Variants in NAV2 observed in about 807,000 individuals in gnomAD.
NAV2 encodes the protein helicase, APC down-regulated 1.
NAV2 carries 54 observed loss-of-function variants against 223.2 expected under a neutral mutation model. The observed-to-expected ratio is 0.24, with a 90% CI of 0.19 to 0.30. The LOEUF (loss-of-function observed/expected upper bound fraction) is 0.30. Among genes scored for constraint, NAV2 ranks in the 10% least tolerant of loss-of-function variants. The pLI is 1.00. For missense variants in NAV2, 2,806 were observed against 3,147.5 expected (o/e 0.89, Z 2.60); for synonymous variants, 1,279 against 1,239.3 (o/e 1.03, Z -0.67).
At chr11:19,876,118 C>T (rs539177164) in intron 4 of NAV2, among the ~76,000 whole-genome samples, 88 of 152,154 alleles carry the variant, frequency 5.8e-4, no homozygotes, top group African/African-American at 1.9e-3. Context: ...CTCCATCTCC[C>T]GGGTTCAAGC....
At chr11:19,688,436 G>C (rs1476741738) in intron 1 of NAV2, among the ~76,000 whole-genome samples, 1 of 152,024 alleles carries the variant, frequency 6.6e-6, no homozygotes, top group Non-Finnish European at 1.5e-5. Flanking sequence ...TGGTAACAGA[G>C]GTACACAAAC....
intron 1 of NAV2, among the ~76,000 whole-genome samples, chr11:19,543,369 G>T (rs1389086324): frequency 2.0e-5 from 3 of 152,292 alleles, no homozygotes; most frequent in East Asian, 3.9e-4. Flanking sequence ...TGCCGATGAT[G>T]CATGCTGTCA....
At chr11:19,928,218 T>TC (rs58963421) in intron 6 of NAV2, among the ~76,000 whole-genome samples, 94,617 of 152,032 alleles carry the variant, frequency 0.62, 29,647 homozygotes, top group East Asian at 0.75. Flanking sequence ...GTTTTTTATT[T>TC]GTATTTTCCT....
intron 1 of NAV2, among the ~76,000 whole-genome samples, chr11:19,800,004 T>C (rs2058144327): frequency 6.6e-6 from 1 of 152,228 alleles, no homozygotes; most frequent in South Asian, 2.1e-4. Context: ...CAAACTTGAA[T>C]AGGAAAATGC....
intron 1 of NAV2, among the ~76,000 whole-genome samples, chr11:19,482,691 G>A (rs1168232384): frequency 6.6e-6 from 1 of 152,174 alleles, no homozygotes; most frequent in Non-Finnish European, 1.5e-5. Flanking sequence ...AAGTCATCTG[G>A]AGCTGGTCGG....
chr11:19,865,615 T>A (rs536610734), intron 3 of NAV2, among the ~76,000 whole-genome samples: 1 of 152,208 alleles, frequency 6.6e-6, no homozygotes, highest in East Asian at 1.9e-4. Context: ...ACTTGAGGAA[T>A]GTTTTTTGAA....
intron 10 of NAV2, among the ~76,000 whole-genome samples, chr11:19,970,714 T>A (rs886400884): frequency 6.6e-6 from 1 of 152,154 alleles, no homozygotes; most frequent in Non-Finnish European, 1.5e-5. Context: ...AATTTTATCA[T>A]AAAAGACAGA....
chr11:19,718,071 G>T (rs1157831836), intron 1 of NAV2, among the ~76,000 whole-genome samples: 1 of 117,382 alleles, frequency 8.5e-6, no homozygotes, highest in Non-Finnish European at 1.6e-5. Context: ...CCTTCCCAGT[G>T]CAGGAAACTG....
intron 8 of NAV2, among the ~76,000 whole-genome samples, chr11:19,944,723 T>TCCTTCCTTCCTTCCTTCCTC (rs2046728698): frequency 6.7e-6 from 1 of 150,020 alleles, no homozygotes; most frequent in African/African-American, 2.5e-5. Context: ...CTTCCTTCCT[T>TCCTTCCTTCCTTCCTTCCTC]CCTTCCTTTC....
chr11:19,782,746 A>G (rs997451500), intron 1 of NAV2, among the ~76,000 whole-genome samples: 1 of 152,198 alleles, frequency 6.6e-6, no homozygotes, highest in Non-Finnish European at 1.5e-5. Context: ...TGTTTCTAAT[A>G]TAAGAGCAAT....
At chr11:19,609,548 C>T (rs539476318) in intron 1 of NAV2, among the ~76,000 whole-genome samples, 2 of 152,250 alleles carry the variant, frequency 1.3e-5, no homozygotes, top group East Asian at 3.9e-4. Context: ...ATGGAGCCAT[C>T]ACCAGTTCAT....
intron 1 of NAV2, among the ~76,000 whole-genome samples, chr11:19,545,103 G>A (rs1013838922): frequency 6.6e-6 from 1 of 152,164 alleles, no homozygotes; most frequent in Non-Finnish European, 1.5e-5. Flanking sequence ...AGTCGTTCTG[G>A]CCTTGCAGTT....
intron 1 of NAV2, among the ~76,000 whole-genome samples, chr11:19,546,467 G>A (rs766294080): frequency 2.6e-5 from 4 of 152,172 alleles, no homozygotes; most frequent in Non-Finnish European, 5.9e-5. Flanking sequence ...TGGGCAGTGC[G>A]GCCACCTCCA....
intron 1 of NAV2, chr11:19,591,070 G>A (rs985583056): frequency 6.6e-6 from 1 of 152,130 alleles, no homozygotes; most frequent in African/African-American, 2.4e-5. Context: ...TGTTATTTTG[G>A]CTAATGAGCA....
At position 20,000,558 on chromosome 11, in the gene NAV2, A is replaced by G. The variant is rs78231494; in HGVS notation, c.2768+16311A>G. On this transcript the variant is annotated intron_variant, in intron 11 of 37. Transcript: ENST00000349880. ...ATGTACTTGCTTCTCAGTTTAAACAAAGGCCTCAAGGAAACCTCCCAGAGG... is the reference window on the plus strand; with the variant it reads ...ATGTACTTGCTTCTCAGTTTAAACAGAGGCCTCAAGGAAACCTCCCAGAGG... Among the ~76,000 whole-genome samples the G allele has an allele frequency of 4.8e-3, 737 of 152,236 alleles. 10 individuals are homozygous for G. The highest frequency in any genetic ancestry group is 0.017 in the African/African-American group (703 of 41,550).
At chr11:19,514,866 G>A (rs2043394609) in intron 1 of NAV2, among the ~76,000 whole-genome samples, 1 of 152,172 alleles carries the variant, frequency 6.6e-6, no homozygotes, top group Non-Finnish European at 1.5e-5. Context: ...GCTGAAGCAG[G>A]GGCATGAGGA....
intron 3 of NAV2, among the ~76,000 whole-genome samples, chr11:19,863,756 TG>T (rs1296364887): frequency 1.3e-5 from 2 of 152,214 alleles, no homozygotes; most frequent in African/African-American, 2.4e-5. Context: ...TATACTTATT[TG>T]TGCTTTCTTT....
chr11:20,084,702 C>T (rs2060307871), intron 26 of NAV2, among the ~76,000 whole-genome samples: 1 of 152,106 alleles, frequency 6.6e-6, no homozygotes, highest in Non-Finnish European at 1.5e-5. Context: ...CTGCAGAGTG[C>T]CTAAGGAAAG....
At chr11:19,680,186 T>C (rs112801786) in intron 1 of NAV2, among the ~76,000 whole-genome samples, 3,185 of 152,238 alleles carry the variant, frequency 0.021, 116 homozygotes, top group African/African-American at 0.073. Flanking sequence ...TCACAAAAGA[T>C]AGCTCTGGCC....
Sources: allele counts gnomAD v4.1 joint callset (sites outside exome capture counted in the v4.1 genomes callset), GRCh38; gene constraint gnomAD v4.1.1; transcripts MANE v1.5; gene names NCBI Gene and HGNC (gene_info 2026-07-23, HGNC 2026-07-21).